Variants in STK3 observed in about 807,000 individuals in gnomAD.
STK3 encodes the protein serine/threonine kinase 3, also known as serine/threonine-protein kinase 3.
In STK3, 41 loss-of-function variants were observed where a neutral mutation model predicts 58.0. That is an observed-to-expected ratio of 0.71 (90% CI 0.55 to 0.92). STK3 has a LOEUF of 0.92. Ranked by LOEUF, STK3 falls within the 40% of genes least tolerant of loss-of-function variation. STK3 has a pLI of 0.00. For missense variants in STK3, 479 were observed against 602.7 expected (o/e 0.79, Z 2.15); for synonymous variants, 170 against 191.0 (o/e 0.89, Z 0.91).
intron 3 of STK3, among the ~76,000 whole-genome samples, chr8:98,851,942 T>A (rs1040166093): frequency 6.6e-6 from 1 of 152,112 alleles, no homozygotes; most frequent in Non-Finnish European, 1.5e-5. Context: ...GAGCTATGAT[T>A]GTATCACTGT....
intron 1 of STK3, among the ~76,000 whole-genome samples, chr8:98,784,159 G>A (rs1026070659): frequency 6.6e-6 from 1 of 152,218 alleles, no homozygotes; most frequent in Admixed American, 6.5e-5. Flanking sequence ...AAAGCTACTG[G>A]CATTTCCCAG....
intron 10 of STK3, among the ~76,000 whole-genome samples, chr8:98,518,399 G>A (rs978752891): frequency 6.6e-6 from 1 of 152,022 alleles, no homozygotes; most frequent in Admixed American, 6.6e-5. Context: ...AAAGTGAAAC[G>A]CTCATTCTAC....
intron 1 of STK3, among the ~76,000 whole-genome samples, chr8:98,906,989 T>TAAA (rs3085954): frequency 0.015 from 1,418 of 94,756 alleles, 71 homozygotes; most frequent in African/African-American, 0.057. Context: ...TCTCTACCAA[T>TAAA]AAAAAAAAAA....
chr8:98,644,034 A>G (rs1820219238), intron 6 of STK3, among the ~76,000 whole-genome samples: 1 of 152,172 alleles, frequency 6.6e-6, no homozygotes, highest in Admixed American at 6.5e-5. Flanking sequence ...AATAACAACC[A>G]CAATAATAAT....
At chr8:98,547,786 T>C (rs934000709) in intron 9 of STK3, among the ~76,000 whole-genome samples, 183 bp downstream of exon 9, 3 of 152,168 alleles carry the variant, frequency 2.0e-5, no homozygotes, top group African/African-American at 7.2e-5. Flanking sequence ...TGTTGTTTTC[T>C]GCTATATTAA....
intron 8 of STK3, among the ~76,000 whole-genome samples, chr8:98,576,729 G>C (rs1352747297): frequency 1.3e-5 from 2 of 152,148 alleles, no homozygotes; most frequent in African/African-American, 4.8e-5. Context: ...TTTTGTGGTT[G>C]ATGCTGTACC....
intron 2 of STK3, among the ~76,000 whole-genome samples, chr8:98,374,599 C>T (rs1207074884): frequency 1.3e-5 from 2 of 152,192 alleles, no homozygotes; most frequent in East Asian, 3.9e-4. Context: ...GCAGTCAGTC[C>T]TGGAGAGCAA....
chr8:98,869,948 A>G (rs1837307472), intron 3 of STK3, among the ~76,000 whole-genome samples: 1 of 151,726 alleles, frequency 6.6e-6, no homozygotes, highest in African/African-American at 2.4e-5. Flanking sequence ...GCACCCGTTA[A>G]CTCGTCATTT....
chr8:98,922,566 T>C (rs1839607598), intron 1 of STK3, among the ~76,000 whole-genome samples: 1 of 152,232 alleles, frequency 6.6e-6, no homozygotes, highest in South Asian at 2.1e-4. Flanking sequence ...CAGAACCTGG[T>C]ACATAGTAAG....
intron 2 of STK3, among the ~76,000 whole-genome samples, chr8:98,435,246 G>GC (rs2131082568): frequency 6.6e-6 from 1 of 152,362 alleles, no homozygotes; most frequent in South Asian, 2.1e-4. Context: ...GTCAGGGCTG[G>GC]CCAGGTGGAG....
chr8:98,846,856 T>TACACACACACACAC (rs374739035), intron 3 of STK3, among the ~76,000 whole-genome samples: 159 of 143,402 alleles, frequency 1.1e-3, no homozygotes, highest in African/African-American at 3.8e-3. Context: ...TTCAGGATCC[T>TACACACACACACAC]ACACACACAC....
At chr8:98,372,689 C>G (rs901935894) in intron 2 of STK3, among the ~76,000 whole-genome samples, 1 of 152,346 alleles carries the variant, frequency 6.6e-6, no homozygotes, top group East Asian at 1.9e-4. Context: ...AGAACATTGG[C>G]TCCGCTTCAG....
intron 8 of STK3, among the ~76,000 whole-genome samples, chr8:98,555,448 AGTT>A (rs1811517589): frequency 6.6e-6 from 1 of 152,168 alleles, no homozygotes; most frequent in Non-Finnish European, 1.5e-5. Flanking sequence ...TTAGTGAGAC[AGTT>A]AGACTACTCC....
chr8:98,483,809 G>C (rs967429013), intron 10 of STK3, among the ~76,000 whole-genome samples: 5 of 152,094 alleles, frequency 3.3e-5, no homozygotes, highest in African/African-American at 9.7e-5. Context: ...ATCTTAAATT[G>C]GTACTTAATT....
intron 3 of STK3, among the ~76,000 whole-genome samples, chr8:98,874,814 G>A (rs1185782056): frequency 6.6e-6 from 1 of 151,174 alleles, no homozygotes; most frequent in Non-Finnish European, 1.5e-5. Context: ...TTTAAAGATG[G>A]GGTCTCACTA....
chr8:98,696,757 G>C (rs1044437691), intron 6 of STK3, among the ~76,000 whole-genome samples: 4 of 152,062 alleles, frequency 2.6e-5, no homozygotes, highest in Non-Finnish European at 4.4e-5. Context: ...GATTCGTTTT[G>C]CCAGTATTTT....
intron 8 of STK3, among the ~76,000 whole-genome samples, chr8:98,573,532 C>CTACA (rs1220057653): frequency 6.6e-6 from 1 of 152,152 alleles, no homozygotes; most frequent in Non-Finnish European, 1.5e-5. Context: ...AATAAGGGAA[C>CTACA]TACAATTCAA....
rs535773513 is a variant in STK3, at chr8:98,613,734, C to T, written c.685-17565G>A. Among the ~76,000 whole-genome samples, 6 of 151,514 alleles carry T rather than the reference C, an allele frequency of 4.0e-5. No homozygotes were observed. In the South Asian group the frequency reaches 1.3e-3, roughly 32 times the overall value. The stretch of plus-strand genomic sequence containing the variant: ...ATTAAATGTAAATCGCCTAAATATG[C>T]CAATTAAAAGGCAAAAACTGAAAAG... On this transcript the variant is annotated intron_variant, in intron 6 of 10. Coordinates refer to ENST00000419617, the MANE Select transcript of STK3 (RefSeq NM_006281.4).
chr8:98,892,367 C>T (rs918632345), intron 1 of STK3, among the ~76,000 whole-genome samples: 2 of 152,198 alleles, frequency 1.3e-5, no homozygotes, highest in African/African-American at 4.8e-5. Flanking sequence ...GCAACTGCAA[C>T]AAATGTGATC....
Sources: allele counts gnomAD v4.1 joint callset (sites outside exome capture counted in the v4.1 genomes callset), GRCh38; gene constraint gnomAD v4.1.1; transcripts MANE v1.5; gene names NCBI Gene and HGNC (gene_info 2026-07-23, HGNC 2026-07-21).